NFATC2: variants seen among roughly 807,000 people sequenced by gnomAD.
NFATC2 encodes nuclear factor of activated T-cells, cytoplasmic 2.
NFATC2 carries 22 observed loss-of-function variants against 87.3 expected under a neutral mutation model. The ratio of observed to expected loss-of-function variants is 0.25; its 90% CI spans 0.18 to 0.36. The LOEUF is 0.36. NFATC2 is among the 10% of genes least tolerant of loss of function. NFATC2 has a pLI of 1.00. For missense variants in NFATC2, 1,149 were observed against 1,259.1 expected, an observed-to-expected ratio of 0.91 and a Z score of 1.32; for synonymous variants, 565 against 542.2, an observed-to-expected ratio of 1.04 and a Z score of -0.58.
At chr20:51,558,486 G>C (rs552346234) in intron 1 of NFATC2, among the ~76,000 whole-genome samples, 37 of 151,576 alleles carry the variant, frequency 2.4e-4, no homozygotes, top group Non-Finnish European at 4.4e-4. Context: ...GGTTTTTTTG[G>C]GGGGGGGCGA....
At position 51,524,293 on chromosome 20, in the gene NFATC2, T is replaced by A. The variant is rs1336479026; in HGVS notation, c.131-183A>T. On this transcript the variant is annotated intron_variant, in intron 1 of 10. Transcript: ENST00000371564. This position sits in a 1 kb window ranked among gnomAD's most constrained non-coding sequence, Gnocchi z 4.0. Reference sequence around the variant, plus strand: ...AAAACTGAGGCCACTTTGTCCCAGGTCCCTGGAGAAGACAGGTCGAAGCAG... The same window carrying A: ...AAAACTGAGGCCACTTTGTCCCAGGACCCTGGAGAAGACAGGTCGAAGCAG... 6.6e-6 allele frequency among the ~76,000 whole-genome samples: 1 copy of A among 152,088 alleles called. No individual in the cohort carries two copies. Among genetic ancestry groups the A allele is most frequent in the Non-Finnish European group, 1.5e-5 (1 of 68,004 alleles).
intron 1 of NFATC2, among the ~76,000 whole-genome samples, chr20:51,528,658 T>C (rs548894000): frequency 6.6e-6 from 1 of 152,204 alleles, no homozygotes; most frequent in Non-Finnish European, 1.5e-5. Flanking sequence ...TCCTTTGATT[T>C]GTGTAATTGT....
At position 51,523,821 on chromosome 20, in the gene NFATC2, C is replaced by G; in HGVS notation, c.420G>C (p.Pro140=). The G allele has an allele frequency of 6.2e-7, 1 of 1,608,564 alleles. No homozygotes were observed. The highest frequency in any genetic ancestry group is 8.5e-7 in the Non-Finnish European group (1 of 1,177,544). ...GGCTGGCGGCCACCCCGGCCAGGGG[C>G]GGCTGCTCCACCAGGAGGCCCGCGT... The part of the protein sequence containing the change: ...MRDAGLLVEQ[P]PLAGVAASPR... The change falls in exon 2 of 11, where the codon CCG becomes CCC. Residue 140 remains proline (P), a synonymous_variant. Transcript: ENST00000371564. This position sits in a 1 kb window ranked among gnomAD's most constrained non-coding sequence, Gnocchi z 6.9.
chr20:51,514,496 G>T lies in NFATC2; in HGVS notation c.1332+2288C>A, dbSNP rs2076320790. On this transcript the variant is annotated intron_variant, in intron 3 of 10. Transcript: ENST00000371564. Reference sequence around the variant, plus strand: ...TCATGGTCTAAGAGAGAGAGACATTGACAAAATAATTATGCAAATGTTAGA... The same window carrying T: ...TCATGGTCTAAGAGAGAGAGACATTTACAAAATAATTATGCAAATGTTAGA... Among the ~76,000 whole-genome samples, 3 of 152,282 alleles carry T rather than the reference G, an allele frequency of 2.0e-5. No homozygotes were observed. The South Asian group carries it at 6.2e-4, about 32-fold the overall frequency.
intron 9 of NFATC2, among the ~76,000 whole-genome samples, chr20:51,413,947 G>C (rs1464597295): frequency 6.6e-6 from 1 of 152,168 alleles, no homozygotes; most frequent in African/African-American, 2.4e-5. Context: ...TTAGAAGAAT[G>C]TCTGGTAAAC....
intron 3 of NFATC2, among the ~76,000 whole-genome samples, chr20:51,495,927 C>T (rs937974910): frequency 6.6e-6 from 1 of 152,180 alleles, no homozygotes; most frequent in African/African-American, 2.4e-5. Context: ...GAAGGTAAGG[C>T]CAGCTTTACA....
intron 5 of NFATC2, among the ~76,000 whole-genome samples, chr20:51,469,026 T>C (rs1987956434): frequency 4.4e-5 from 1 of 22,730 alleles, no homozygotes; most frequent in Non-Finnish European, 1.1e-4. Flanking sequence ...GACATCAGTA[T>C]TTTTTTTTTT....
chr20:51,474,175 A>G (rs980278429), intron 4 of NFATC2, 23 bp from the exon 5 acceptor site: 9 of 1,611,092 alleles, frequency 5.6e-6, no homozygotes, highest in Non-Finnish European at 7.6e-6. Context: ...TAAGAACCCC[A>G]TTGTCACCAA....
At chr20:51,440,966 C>T (rs117357742) in intron 6 of NFATC2, among the ~76,000 whole-genome samples, 1 of 152,222 alleles carries the variant, frequency 6.6e-6, no homozygotes, top group African/African-American at 2.4e-5. Flanking sequence ...ATTGCACTCC[C>T]ATGGGGCAGT....
At chr20:51,447,919 T>C (rs1375011652) in intron 6 of NFATC2, among the ~76,000 whole-genome samples, 1 of 152,332 alleles carries the variant, frequency 6.6e-6, no homozygotes, top group African/African-American at 2.4e-5. Context: ...TGGGCTGACC[T>C]GGGGTGCATG....
At chr20:51,541,564 G>C (rs78212412) in intron 1 of NFATC2, among the ~76,000 whole-genome samples, 1 of 152,270 alleles carries the variant, frequency 6.6e-6, no homozygotes, top group East Asian at 1.9e-4. Context: ...TGGAGGCACA[G>C]AGTGACAAAG....
At chr20:51,457,335 C>G (rs948722193) in intron 5 of NFATC2, among the ~76,000 whole-genome samples, 2 of 152,224 alleles carry the variant, frequency 1.3e-5, no homozygotes, top group Non-Finnish European at 2.9e-5. Context: ...TGAGTCATCG[C>G]TACTGGGCAA....
chr20:51,545,511 A>G (rs1355396496), upstream of NFATC2, among the ~76,000 whole-genome samples: 2 of 152,264 alleles, frequency 1.3e-5, no homozygotes, highest in Non-Finnish European at 2.9e-5. Flanking sequence ...TTTATGTGCA[A>G]TGGATGTGTG....
rs55980737 is a variant in NFATC2 at position 51,432,150 on chromosome 20, G to A, written c.2639C>T (p.Pro880Leu). ...TAATACTTCCTTTTGGTCACTGACC[G>A]GGGGTCCGTTTTTGGCGGCTCTTTG... is the stretch of plus-strand genomic sequence containing the variant. ...TSQRAAKNGP[P>L]VSDQKEVLPA... Residue 880 changes from proline (P) to leucine (L), a missense_variant, in exon 9 of 11, where the codon CCG (proline) becomes CTG (leucine). Coordinates refer to ENST00000371564, the MANE Select transcript of NFATC2 (RefSeq NM_012340.5). This position sits in a 1 kb window ranked among gnomAD's most constrained non-coding sequence, Gnocchi z 4.6. 953 of 1,599,404 alleles carry A rather than the reference G, an allele frequency of 6.0e-4. 20 individuals carry two copies. The East Asian group carries it at 0.021, about 35-fold the overall frequency.
chr20:51,432,256 C>G lies in NFATC2; in HGVS notation c.2533G>C (p.Gly845Arg). 6.2e-7 allele frequency: 1 copy of G among 1,614,188 alleles called. No individual in the cohort carries two copies. ...ENFAPGTTRP[G>R]PPPVSQGQRL... ...TGACCTTGACTGACCGGGGGCGGGC[C>G]AGGTCTGGTGGTGCCTGGTGCGAAA... Residue 845 changes from glycine to arginine, a missense_variant, in exon 9 of 11, where the codon GGC becomes CGC. This residue lies in a region of NFATC2 where 581 missense variants were observed against 649.7 expected (regional missense o/e 0.89). Coordinates refer to ENST00000371564, the MANE Select transcript of NFATC2 (RefSeq NM_012340.5). This position sits in a 1 kb window ranked among gnomAD's most constrained non-coding sequence, Gnocchi z 4.6.
In NFATC2 at chr20:51,474,028, T is replaced by C; in HGVS notation, c.1660A>G (p.Ser554Gly). The stretch of plus-strand genomic sequence containing the variant: ...GTCTGTAAAGAGACGATTCTGCCAC[T>C]GGACTCTGGGATGTGAACTCGGAAA... The part of the protein sequence containing the change: ...LVFRVHIPES[S>G]GRIVSLQTAS... Residue 554 changes from serine (S) to glycine (G), a missense_variant, in exon 5 of 11, where the codon AGT (serine) becomes GGT (glycine). Ser to Gly is a moderately conservative substitution (Grantham distance 56). Coordinates refer to ENST00000371564, the MANE Select transcript of NFATC2 (RefSeq NM_012340.5). The C allele has an allele frequency of 1.2e-6, 2 of 1,614,264 alleles. No individual in the cohort carries two copies. Among genetic ancestry groups the C allele is most frequent in the African/African-American group, 1.3e-5 (1 of 75,072 alleles).
intron 2 of NFATC2, among the ~76,000 whole-genome samples, chr20:51,519,491 G>C (rs532859518): frequency 1.8e-4 from 28 of 151,874 alleles, no homozygotes; most frequent in Non-Finnish European, 2.1e-4. Flanking sequence ...AGGCATAGTG[G>C]TGTGTGCCTG....
chr20:51,562,787 G>A (rs2077043876), upstream of NFATC2: 3 of 610,594 alleles, frequency 4.9e-6, no homozygotes, highest in South Asian at 2.3e-5. This position sits in a 1 kb window ranked among gnomAD's most constrained non-coding sequence, Gnocchi z 5.8. Context: ...CCCGGCTCCC[G>A]GCTCGGCGGA....
At chr20:51,534,938 TTTC>T (rs1051919796) in intron 1 of NFATC2, among the ~76,000 whole-genome samples, 1 of 152,214 alleles carries the variant, frequency 6.6e-6, no homozygotes, top group African/African-American at 2.4e-5. Context: ...GCAGTAGTCC[TTTC>T]TTTTTTATTG....
Sources: gnomAD v4.1 joint callset for allele counts (sites outside exome capture counted in the v4.1 genomes callset) on GRCh38, gnomAD v4.1.1 for gene constraint, gnomAD v4.1.1 regional missense constraint, Gnocchi (gnomAD v3.1) non-coding constraint, MANE v1.5 for transcripts, NCBI Gene and HGNC (gene_info 2026-07-23, HGNC 2026-07-21) for gene names.